Variants in CSMD1 observed in about 807,000 individuals in gnomAD.
CSMD1 encodes the protein CUB and Sushi multiple domains 1.
CSMD1 carries 213 observed loss-of-function variants against 417.5 expected under a neutral mutation model. The ratio of observed to expected loss-of-function variants is 0.51; its 90% CI spans 0.46 to 0.57. The LOEUF is 0.57. CSMD1 is among the 20% of genes least tolerant of loss of function. The pLI is 0.00. For missense variants in CSMD1, 6,923 were observed against 4,529.7 expected (o/e 1.53, Z -15.17); for synonymous variants, 2,862 against 1,736.8 (o/e 1.65, Z -16.11).
intron 2 of CSMD1, among the ~76,000 whole-genome samples, chr8:4,512,390 G>A (rs531078905): frequency 3.9e-5 from 6 of 152,238 alleles, no homozygotes; most frequent in African/African-American, 1.4e-4. Flanking sequence ...AGGCACAAAT[G>A]TCCCCTTTCA....
chr8:4,254,037 C>A (rs978179459), intron 3 of CSMD1, among the ~76,000 whole-genome samples: 25 of 151,274 alleles, frequency 1.7e-4, no homozygotes, highest in Non-Finnish European at 3.1e-4. Flanking sequence ...CCGCCTCAGC[C>A]TCCCAAGTAG....
At chr8:3,612,891 G>C (rs564125582) in intron 8 of CSMD1, among the ~76,000 whole-genome samples, 1 of 152,046 alleles carries the variant, frequency 6.6e-6, no homozygotes, top group African/African-American at 2.4e-5. Context: ...AACAAATGGA[G>C]CCCATAGTAA....
At chr8:3,871,370 A>C (rs931724159) in intron 5 of CSMD1, among the ~76,000 whole-genome samples, 2 of 152,102 alleles carry the variant, frequency 1.3e-5, no homozygotes, top group Non-Finnish European at 2.9e-5. Context: ...TTACTAAAAT[A>C]ATGGATTAAA....
intron 19 of CSMD1, 78 bp downstream of exon 19, chr8:3,369,176 T>C: frequency 1.4e-6 from 1 of 692,868 alleles, no homozygotes; most frequent in Non-Finnish European, 2.6e-6. Flanking sequence ...GTTTACACCG[T>C]AATATGTTTT....
chr8:3,108,627 C>G lies in CSMD1; in HGVS notation c.6730G>C (p.Gly2244Arg). ...LKFHSDFSNG[G>R]FFVLNFHAFQ... ...CCGTGGAAATTGAGGACAAAGAAGC[C>G]TCCATTTGAAAAGTCGCTGTGGAAC... The change falls in exon 44 of 70, where the codon GGC (glycine) becomes CGC (arginine). Residue 2244 changes from glycine (G) to arginine (R), a missense_variant. Transcript: ENST00000635120. 1 of 1,613,776 alleles carries G rather than the reference C, an allele frequency of 6.2e-7. No homozygotes were observed. The highest frequency in any genetic ancestry group is 8.5e-7 in the Non-Finnish European group (1 of 1,179,838).
intron 3 of CSMD1, among the ~76,000 whole-genome samples, chr8:4,169,168 C>A (rs79525975): frequency 1.3e-5 from 2 of 152,138 alleles, no homozygotes; most frequent in East Asian, 3.9e-4. Flanking sequence ...AACACCGTCT[C>A]TACGGTTTCA....
chr8:3,064,335 G>T (rs1421494571), intron 49 of CSMD1, among the ~76,000 whole-genome samples: 1 of 152,116 alleles, frequency 6.6e-6, no homozygotes, highest in Non-Finnish European at 1.5e-5. Flanking sequence ...GAGTTCTCAG[G>T]AGATCTGATG....
chr8:4,492,518 C>A (rs2043804), intron 2 of CSMD1, among the ~76,000 whole-genome samples: 122,619 of 152,152 alleles, frequency 0.81, 50,654 homozygotes, highest in South Asian at 0.92. Flanking sequence ...CACATCTGAT[C>A]ATTATAATAT....
chr8:3,321,310 C>G (rs1018083699), intron 23 of CSMD1, among the ~76,000 whole-genome samples: 1 of 152,124 alleles, frequency 6.6e-6, no homozygotes, highest in Non-Finnish European at 1.5e-5. Flanking sequence ...CTGGTGATGC[C>G]CTCTGCACCA....
In CSMD1 at chr8:4,120,662, C is replaced by A. The variant is rs145243452; in HGVS notation, c.416-88563G>T. 2.9e-3 allele frequency among the ~76,000 whole-genome samples: 447 copies of A among 152,312 alleles called. 4 individuals are homozygous for A. The highest frequency in any genetic ancestry group is 9.7e-3 in the African/African-American group (405 of 41,570). ...CCTTCTCTAGTCAGTAACTTCATCA[C>A]GTGACTTTTAAAGAAGTAAGTTTAG... On this transcript the variant is annotated intron_variant, in intron 3 of 69. Transcript: ENST00000635120.
At chr8:3,403,236 T>C (rs1812144761) in intron 15 of CSMD1, among the ~76,000 whole-genome samples, 1 of 152,228 alleles carries the variant, frequency 6.6e-6, no homozygotes, top group South Asian at 2.1e-4. Context: ...GTAAGGGATG[T>C]GAGCTTCTTC....
intron 1 of CSMD1, among the ~76,000 whole-genome samples, chr8:4,827,766 T>C (rs1418623146): frequency 9.9e-5 from 15 of 152,176 alleles, no homozygotes; most frequent in Admixed American, 7.9e-4. Flanking sequence ...AAGGATTTCA[T>C]TAAAGATTGA....
At chr8:4,090,580 T>G (rs1449660127) in intron 3 of CSMD1, among the ~76,000 whole-genome samples, 2 of 152,226 alleles carry the variant, frequency 1.3e-5, no homozygotes, top group Non-Finnish European at 2.9e-5. Context: ...TATTTAGGTG[T>G]GCTCACCTGA....
At chr8:4,414,073 A>C (rs913895059) in intron 3 of CSMD1, among the ~76,000 whole-genome samples, 1 of 152,176 alleles carries the variant, frequency 6.6e-6, no homozygotes, top group African/African-American at 2.4e-5. Context: ...TGCATCATGC[A>C]TGCTCCATGC....
intron 6 of CSMD1, among the ~76,000 whole-genome samples, chr8:3,741,160 G>A (rs1381124334): frequency 7.0e-6 from 1 of 142,914 alleles, no homozygotes; most frequent in African/African-American, 2.6e-5. Context: ...GTTGCAGTGA[G>A]CTGAGATCGT....
At chr8:4,980,627 G>C (rs79470217) in intron 1 of CSMD1, among the ~76,000 whole-genome samples, 1,969 of 152,278 alleles carry the variant, frequency 0.013, 37 homozygotes, top group African/African-American at 0.044. Flanking sequence ...ATCTAGCCAG[G>C]CATGGTGGCT....
chr8:4,623,130 A>T (rs1204006441), intron 2 of CSMD1, among the ~76,000 whole-genome samples: 1 of 152,164 alleles, frequency 6.6e-6, no homozygotes. Context: ...ATATTTAGAA[A>T]GCTCTGATAA....
chr8:4,226,758 T>C (rs1377972318), intron 3 of CSMD1, among the ~76,000 whole-genome samples: 1 of 152,220 alleles, frequency 6.6e-6, no homozygotes. Context: ...CACTGAGCTT[T>C]AAATTGAATT....
chr8:4,267,559 A>G (rs952297764), intron 3 of CSMD1, among the ~76,000 whole-genome samples: 2 of 151,984 alleles, frequency 1.3e-5, no homozygotes, highest in Non-Finnish European at 2.9e-5. Context: ...AGAAATAGCA[A>G]TGGTCACTGA....
Sources: gnomAD v4.1 joint callset for allele counts (sites outside exome capture counted in the v4.1 genomes callset) on GRCh38, gnomAD v4.1.1 for gene constraint, MANE v1.5 for transcripts, NCBI Gene and HGNC (gene_info 2026-07-23, HGNC 2026-07-21) for gene names.